The following GCNT2 variants were observed in gnomAD, a reference collection of about 807,000 sequenced individuals.
GCNT2 encodes N-acetyllactosaminide beta-1,6-N-acetylglucosaminyl-transferase.
Under a neutral mutation model 34.2 loss-of-function variants are expected in GCNT2, and 34 were observed. The observed-to-expected ratio is 1.00, with a 90% confidence interval of 0.76 to 1.32. GCNT2 has a LOEUF of 1.32. Among genes scored for constraint, GCNT2 ranks in the 40% most tolerant of loss-of-function variants. GCNT2 has a pLI of 0.00. For missense variants in GCNT2, 584 were observed against 489.4 expected (o/e 1.19, Z -1.82); for synonymous variants, 212 against 188.0 (o/e 1.13, Z -1.04).
chr6:10,551,532 G>A (rs777223318), intron 3 of GCNT2, among the ~76,000 whole-genome samples: 4 of 149,772 alleles, frequency 2.7e-5, no homozygotes, highest in Non-Finnish European at 5.9e-5. Context: ...AGCAACGTTC[G>A]CCTCCCTGAT....
intron 3 of GCNT2, among the ~76,000 whole-genome samples, chr6:10,603,470 C>G (rs1423951438): frequency 6.6e-6 from 1 of 152,196 alleles, no homozygotes; most frequent in African/African-American, 2.4e-5. Context: ...GGGAAGCACC[C>G]GTGTCAGTCC....
chr6:10,548,392 G>A (rs1221823532), intron 3 of GCNT2, among the ~76,000 whole-genome samples: 2 of 152,150 alleles, frequency 1.3e-5, no homozygotes, highest in African/African-American at 4.8e-5. Context: ...CAAGAGCTTG[G>A]GAACAAAGCC....
intron 4 of GCNT2, among the ~76,000 whole-genome samples, chr6:10,625,020 T>C (rs1766197137): frequency 6.6e-6 from 1 of 152,220 alleles, no homozygotes; most frequent in African/African-American, 2.4e-5. Flanking sequence ...GCCTGTGTTT[T>C]TGGTTCTCGC....
At chr6:10,532,577 C>T (rs1255787228) in intron 3 of GCNT2, among the ~76,000 whole-genome samples, 1 of 152,188 alleles carries the variant, frequency 6.6e-6, no homozygotes, top group African/African-American at 2.4e-5. Context: ...TGGTCTTGAC[C>T]TCCCAGGCTC....
chr6:10,572,175 T>C (rs1180568611), intron 3 of GCNT2, among the ~76,000 whole-genome samples: 1 of 152,088 alleles, frequency 6.6e-6, no homozygotes, highest in East Asian at 1.9e-4. Context: ...CACCTTTCCA[T>C]GTCAGGATGA....
chr6:10,562,382 G>A (rs577517569), intron 3 of GCNT2, among the ~76,000 whole-genome samples: 62 of 152,038 alleles, frequency 4.1e-4, no homozygotes, highest in Non-Finnish European at 3.2e-4. Context: ...GAGTTCCAGC[G>A]GCAGCTTAAG....
rs573067128 is a variant in GCNT2, at chr6:10,549,198, G to A, written c.925+19362G>A. 4.7e-4 allele frequency among the ~76,000 whole-genome samples: 71 copies of A among 152,248 alleles called. 3 individuals are homozygous for A. In the South Asian group the frequency reaches 0.013, roughly 28 times the overall value. ...CTACAACACACAGCCCTCACAACAC[G>A]GCATTTTTCAGCCCAAAATGCCAAT... On this transcript the variant is annotated intron_variant, in intron 3 of 4. Coordinates refer to ENST00000495262, the MANE Select transcript of GCNT2 (RefSeq NM_145649.5).
At chr6:10,616,550 C>T (rs973964852) in intron 3 of GCNT2, among the ~76,000 whole-genome samples, 3 of 152,156 alleles carry the variant, frequency 2.0e-5, no homozygotes, top group Non-Finnish European at 4.4e-5. Flanking sequence ...TAGCTAGACA[C>T]AGAGTGCTGA....
intron 3 of GCNT2, among the ~76,000 whole-genome samples, chr6:10,601,667 C>A (rs766159981): frequency 1.1e-4 from 16 of 152,096 alleles, no homozygotes; most frequent in Non-Finnish European, 2.4e-4. Flanking sequence ...CTTGGCCAGG[C>A]GCAGTGGCTC....
At chr6:10,615,113 C>G (rs748691932) in intron 3 of GCNT2, among the ~76,000 whole-genome samples, 58 of 152,208 alleles carry the variant, frequency 3.8e-4, no homozygotes, top group South Asian at 1.7e-3. Flanking sequence ...AGAGACTAAC[C>G]TACAAACCTG....
At chr6:10,542,890 A>ATT (rs1554127845) in intron 3 of GCNT2, among the ~76,000 whole-genome samples, 5 of 107,506 alleles carry the variant, frequency 4.7e-5, no homozygotes, top group African/African-American at 2.3e-4. Context: ...CCCTATGTTA[A>ATT]TTCTTTTTTT....
intron 3 of GCNT2, among the ~76,000 whole-genome samples, chr6:10,562,488 C>T (rs993880066): frequency 1.3e-5 from 2 of 151,776 alleles, no homozygotes; most frequent in African/African-American, 4.8e-5. Flanking sequence ...GAGGCCCAGG[C>T]GGGAGGATCC....
At chr6:10,568,824 C>G (rs1026457874) in intron 3 of GCNT2, among the ~76,000 whole-genome samples, 1 of 152,108 alleles carries the variant, frequency 6.6e-6, no homozygotes, top group African/African-American at 2.4e-5. Context: ...TCTGTTTGTG[C>G]CATTGCCTTC....
intron 3 of GCNT2, chr6:10,557,231 G>A: frequency 1.3e-6 from 2 of 1,594,656 alleles, no homozygotes; most frequent in Non-Finnish European, 1.7e-6. Flanking sequence ...TCTATCAAGA[G>A]AGTTTGCCAA....
chr6:10,549,705 CTCTG>C (rs1762409712), intron 3 of GCNT2, among the ~76,000 whole-genome samples: 1 of 151,326 alleles, frequency 6.6e-6, no homozygotes, highest in Admixed American at 6.6e-5. Context: ...CCCAGTAGCT[CTCTG>C]TCTCTCTTTT....
chr6:10,596,187 G>A (rs781297189), intron 3 of GCNT2, among the ~76,000 whole-genome samples: 1 of 152,096 alleles, frequency 6.6e-6, no homozygotes, highest in Non-Finnish European at 1.5e-5. Flanking sequence ...ACAAGCACAA[G>A]CTCTTTAGGC....
intron 4 of GCNT2, 82 bp from the exon 5 acceptor site, chr6:10,626,335 A>G: frequency 5.1e-6 from 5 of 973,482 alleles, no homozygotes; most frequent in South Asian, 1.3e-5. Flanking sequence ...TTAGTCGGAG[A>G]GTACCTCTAG....
At chr6:10,589,307 G>C (rs990913061) in intron 3 of GCNT2, among the ~76,000 whole-genome samples, 2 of 119,862 alleles carry the variant, frequency 1.7e-5, no homozygotes, top group Admixed American at 7.9e-5. Context: ...GTAGTGTGTG[G>C]TGTGTTTGTA....
rs1561797769 is a variant in GCNT2, at chr6:10,557,488, A to ATTTTTTTTT, written c.925+27653_925+27654insTTTTTTTTT. On this transcript the variant is annotated intron_variant, in intron 3 of 4. Transcript: ENST00000495262. ...CCTAGTCCTTTCTAAATGCAGAAAGATGTTCTTTTTTTTTTTTGAGACTGG... is the reference window on the plus strand; with the variant it reads ...CCTAGTCCTTTCTAAATGCAGAAAGATTTTTTTTTTGTTCTTTTTTTTTTTTGAGACTGG... 108 of 674,750 alleles carry ATTTTTTTTT rather than the reference A, an allele frequency of 1.6e-4. No homozygotes were observed. The South Asian group carries it at 1.9e-3, about 12-fold the overall frequency. The allele number at this position is 674,750 out of a possible 1,614,324, so 41.8% of individuals were successfully genotyped here.
Sources: gnomAD v4.1 joint callset for allele counts (sites outside exome capture counted in the v4.1 genomes callset) on GRCh38, gnomAD v4.1.1 for gene constraint, MANE v1.5 for transcripts, NCBI Gene and HGNC (gene_info 2026-07-23, HGNC 2026-07-21) for gene names.